BLTP2: variants seen among roughly 807,000 people sequenced by gnomAD.
The protein encoded by BLTP2 is bridge-like lipid transfer protein family member 2.
At chr17:28,616,929 C>T in the BLTP2 span, 11 of 1,613,996 alleles carry the variant, frequency 6.8e-6, no homozygotes, top group African/African-American at 1.3e-5. This position sits in a 1 kb window ranked among gnomAD's most constrained non-coding sequence, Gnocchi z 4.8. Flanking sequence ...AACAGGGGGC[C>T]GAACTTTGCT....
At chr17:28,642,524 G>A in the BLTP2 span, 13 of 590,992 alleles carry the variant, frequency 2.2e-5, no homozygotes, top group Admixed American at 8.7e-5. Context: ...GGTGGCGGCC[G>A]CCTGTAGTCC....
At chr17:28,643,324 G>A in the BLTP2 span, 2 of 1,613,604 alleles carry the variant, frequency 1.2e-6, no homozygotes, top group South Asian at 2.2e-5. Flanking sequence ...GCCCAGAAGA[G>A]AAATCTCACT....
the BLTP2 span, chr17:28,632,322 G>A: frequency 8.2e-6 from 11 of 1,342,904 alleles, no homozygotes; most frequent in Non-Finnish European, 1.1e-5. Context: ...GCAGGTTGTA[G>A]AGGTTTAAAA....
chr17:28,628,201 C>A, the BLTP2 span: 1 of 1,399,694 alleles, frequency 7.1e-7, no homozygotes, highest in Non-Finnish European at 1.0e-6. Context: ...TTTTAAAACT[C>A]CTGTCCAAGC....
the BLTP2 span, among the ~76,000 whole-genome samples, chr17:28,617,736 T>C: frequency 6.6e-6 from 1 of 152,192 alleles, no homozygotes; most frequent in African/African-American, 2.4e-5. Context: ...GAGAAGCATC[T>C]GATCAAACTC....
chr17:28,640,320 G>C, the BLTP2 span: 2 of 510,590 alleles, frequency 3.9e-6, no homozygotes, highest in East Asian at 7.6e-5. Flanking sequence ...TTGAACCTGG[G>C]AGGCAGAGGT....
chr17:28,638,304 G>C, the BLTP2 span: 2 of 1,613,530 alleles, frequency 1.2e-6, no homozygotes, highest in East Asian at 4.5e-5. Context: ...ATGCATATTG[G>C]GTGGGTGTGG....
chr17:28,629,166 C>T, the BLTP2 span, among the ~76,000 whole-genome samples: 1 of 152,120 alleles, frequency 6.6e-6, no homozygotes, highest in South Asian at 2.1e-4. Flanking sequence ...GCCTTAGTCT[C>T]CCAAGTAGCT....
chr17:28,615,369 T>C, the BLTP2 span: 1 of 854,362 alleles, frequency 1.2e-6, no homozygotes, highest in Non-Finnish European at 1.8e-6. Flanking sequence ...GCAATTCACA[T>C]ACAATGGTCT....
At chr17:28,628,580 T>G in the BLTP2 span, 1 of 1,603,304 alleles carries the variant, frequency 6.2e-7, no homozygotes, top group Non-Finnish European at 8.5e-7. Context: ...GGAAAAGGAC[T>G]TCAGGGTAGC....
At chr17:28,644,981 A>G in the BLTP2 span, 1 of 1,570,326 alleles carries the variant, frequency 6.4e-7, no homozygotes, top group Non-Finnish European at 8.6e-7. Flanking sequence ...GCGGCCGGGA[A>G]CCCTCACCGG....
the BLTP2 span, among the ~76,000 whole-genome samples, chr17:28,624,573 T>C: frequency 1.3e-5 from 2 of 152,180 alleles, no homozygotes; most frequent in Non-Finnish European, 2.9e-5. Context: ...ACAAGGGTTA[T>C]TTCACTTTCC....
At chr17:28,643,768 T>C in the BLTP2 span, 5 of 1,114,976 alleles carry the variant, frequency 4.5e-6, no homozygotes, top group South Asian at 6.5e-5. Flanking sequence ...TTCATAGCCA[T>C]GTTGCCTTGA....
the BLTP2 span, chr17:28,639,922 T>C: frequency 2.5e-6 from 4 of 1,614,028 alleles, no homozygotes; most frequent in Non-Finnish European, 3.4e-6. Context: ...AGTTCAGTGC[T>C]CATCTGTGCC....
the BLTP2 span, chr17:28,639,883 G>C: frequency 6.2e-7 from 1 of 1,614,024 alleles, no homozygotes. Flanking sequence ...CTCAGTACCA[G>C]TACCCCGACC....
the BLTP2 span, chr17:28,639,739 G>T: frequency 7.1e-7 from 1 of 1,414,390 alleles, no homozygotes; most frequent in Non-Finnish European, 1.0e-6. Flanking sequence ...TCAACAGACT[G>T]TCATCAAAAC....
chr17:28,633,964 C>G, the BLTP2 span: 1 of 1,613,994 alleles, frequency 6.2e-7, no homozygotes. Flanking sequence ...CACGGAAGCC[C>G]CAAGTGCAAG....
the BLTP2 span, among the ~76,000 whole-genome samples, chr17:28,629,412 T>G: frequency 6.6e-6 from 1 of 152,040 alleles, no homozygotes; most frequent in Non-Finnish European, 1.5e-5. Context: ...TGCTTCAGTC[T>G]CCAAGTACCT....
At chr17:28,617,226 A>G in the BLTP2 span, 1 of 1,610,962 alleles carries the variant, frequency 6.2e-7, no homozygotes, top group Admixed American at 1.7e-5. Flanking sequence ...GGGAAAAAAG[A>G]CTTGCCTTAT....
Sources: allele counts gnomAD v4.1 joint callset (sites outside exome capture counted in the v4.1 genomes callset), GRCh38; gene constraint gnomAD v4.1.1; non-coding constraint Gnocchi (gnomAD v3.1); transcripts MANE v1.5; gene names NCBI Gene and HGNC (gene_info 2026-07-23, HGNC 2026-07-21).